The following NOP53 variants were observed in gnomAD, a reference collection of about 807,000 sequenced individuals.
The protein encoded by NOP53 is NOP53 ribosome biogenesis factor.
A neutral mutation model predicts 61.0 loss-of-function variants in NOP53; 40 were observed. The ratio of observed to expected loss-of-function variants is 0.66; its 90% CI spans 0.51 to 0.85. The LOEUF is 0.85. Among genes scored for constraint, NOP53 ranks in the 40% least tolerant of loss-of-function variants. The pLI, the probability that NOP53 is intolerant of heterozygous loss-of-function variation, is 0.00. For synonymous variants in NOP53, 308 were observed against 289.5 expected, an observed-to-expected ratio of 1.06 and a Z score of -0.65; for missense variants, 689 against 652.9, an observed-to-expected ratio of 1.06 and a Z score of -0.60.
chr19:47,754,689 A>G lies in NOP53; in HGVS notation c.871-20A>G, dbSNP rs1308573706. On this transcript the variant is annotated intron_variant, in intron 7 of 12. Transcript: ENST00000246802. The surrounding 1 kb of genome is among the most constrained non-coding windows in gnomAD (Gnocchi z 4.2). The stretch of plus-strand genomic sequence containing the variant: ...CCCGGGCCTCCTACCCACCCCTGAC[A>G]CTGCACCCCGCCTCCCCAGGAGTCC... 4 of 1,534,736 alleles carry G rather than the reference A, an allele frequency of 2.6e-6. No homozygotes were observed. In the South Asian group the frequency reaches 3.6e-5, roughly 14 times the overall value.
intron 2 of NOP53, 140 bp from the exon 3 acceptor site, chr19:47,750,038 G>C: frequency 7.0e-6 from 4 of 573,354 alleles, no homozygotes; most frequent in Non-Finnish European, 1.3e-5. Context: ...TCTACCTCCA[G>C]GTAGGAGCCT....
Position 47,750,796 on chromosome 19 carries a change from A to T in NOP53, c.399-112A>T, listed in dbSNP as rs989601046. ...GGGGGCGGAGTGCCACCTTTTGGAG[A>T]GGGGGTGCTGAAGCTGCCTTAATGG... On this transcript the variant is annotated intron_variant, in intron 3 of 12. Coordinates refer to ENST00000246802, the MANE Select transcript of NOP53 (RefSeq NM_015710.5). 2.5e-5 allele frequency: 21 copies of T among 827,000 alleles called. No homozygotes were observed. In the African/African-American group the frequency reaches 3.1e-4, roughly 12 times the overall value. The allele number at this position is 827,000 out of a possible 1,614,324, so 51.2% of individuals were successfully genotyped here.
At chr19:47,751,947 C>T (rs1568599251) in intron 5 of NOP53, among the ~76,000 whole-genome samples, 1 of 150,602 alleles carries the variant, frequency 6.6e-6, no homozygotes. Flanking sequence ...ACTAAAAATA[C>T]AAAAAAAAAA....
In NOP53 at chr19:47,755,624, A is replaced by G. The variant is rs1337688923; in HGVS notation, c.1229+101A>G. ...TGTTCAGGAACTGCCCACCCCCCCC[A>G]TCGGGAGACCACCTCTTCCCCCACA... On this transcript the variant is annotated intron_variant, in intron 9 of 12. Transcript: ENST00000246802. 19 of 1,237,378 alleles carry G rather than the reference A, an allele frequency of 1.5e-5. No individual in the cohort carries two copies. In the South Asian group the frequency reaches 2.6e-4, roughly 17 times the overall value. The allele number at this position is 1,237,378 out of a possible 1,614,324, so 76.6% of individuals were successfully genotyped here.
At position 47,747,129 on chromosome 19, in the gene NOP53, C is replaced by CAAAT. The variant is rs1967074691; in HGVS notation, c.289+100_289+103dup. 7.5e-6 allele frequency: 7 copies of CAAAT among 938,352 alleles called. No individual in the cohort carries two copies. The Admixed American group carries it at 1.2e-4, about 16-fold the overall frequency. 58.1% of individuals were successfully genotyped at this position (938,352 alleles called of 1,614,324 possible). On this transcript the variant is annotated intron_variant, in intron 2 of 12. Coordinates refer to ENST00000246802, the MANE Select transcript of NOP53 (RefSeq NM_015710.5). ...TGTGTTAATGATGTGGCTTGGAAGG[C>CAAAT]AAATATCTGCGGAAACAGGTCAACC...
At chr19:47,750,866 G>A (rs1441081142) in intron 3 of NOP53, 42 bp from the exon 4 acceptor site, 2 of 1,521,796 alleles carry the variant, frequency 1.3e-6, no homozygotes, top group East Asian at 4.8e-5. Flanking sequence ...CGTTCAGGCT[G>A]CCACCTCACC....
Position 47,754,255 on chromosome 19 carries a change from C to T in NOP53, c.766-272C>T, listed in dbSNP as rs999969949. On this transcript the variant is annotated intron_variant, in intron 6 of 12. Transcript: ENST00000246802. This position sits in a 1 kb window ranked among gnomAD's most constrained non-coding sequence, Gnocchi z 4.2. ...TCACACCATTGCACTCCAGTCTGGG[C>T]AACAAGACAGAAACTCTATCTCAAA... 12 of 443,170 alleles carry T rather than the reference C, an allele frequency of 2.7e-5. No homozygotes were observed. In the Admixed American group the frequency reaches 3.5e-4, roughly 13 times the overall value. 27.5% of individuals were successfully genotyped at this position (443,170 alleles called of 1,614,324 possible).
chr19:47,751,301 T>C, intron 4 of NOP53, 194 bp downstream of exon 4: 1 of 655,160 alleles, frequency 1.5e-6, no homozygotes. Flanking sequence ...GTTGTGAGGC[T>C]TCAGGAAAGG....
intron 5 of NOP53, among the ~76,000 whole-genome samples, chr19:47,752,049 G>A (rs2123675102): frequency 6.6e-6 from 1 of 152,200 alleles, no homozygotes; most frequent in African/African-American, 2.4e-5. Context: ...GGAGGTGGCA[G>A]TGAGCCGAGA....
intron 1 of NOP53, 77 bp downstream of exon 1, chr19:47,745,860 CG>C (rs1967055898): frequency 9.2e-6 from 2 of 217,350 alleles, no homozygotes; most frequent in African/African-American, 7.5e-5. Flanking sequence ...TGCGTGGACT[CG>C]TCGGGGGTCG....
intron 5 of NOP53, 73 bp from the exon 6 acceptor site, chr19:47,752,439 C>T: frequency 1.1e-6 from 1 of 919,494 alleles, no homozygotes; most frequent in South Asian, 1.4e-5. Context: ...GGAGCATCTG[C>T]CCCATGGCTG....
intron 3 of NOP53, among the ~76,000 whole-genome samples, chr19:47,750,545 T>A (rs1967111736): frequency 6.6e-6 from 1 of 151,768 alleles, no homozygotes; most frequent in Admixed American, 6.6e-5. Context: ...AGGAGGCACA[T>A]CAGGTGGGTC....
rs550207610 is a variant in NOP53, at chr19:47,746,661, C to T, written c.225-306C>T. ...AGATTACAGGTGTGAGCCACCACAC[C>T]CAGCCTAATTTTTGTATTTTTAGTA... On this transcript the variant is annotated intron_variant, in intron 1 of 12. Transcript: ENST00000246802. 2.0e-5 allele frequency: 5 copies of T among 248,484 alleles called. No individual in the cohort carries two copies. The East Asian group carries it at 3.3e-4, about 16-fold the overall frequency. 15.4% of individuals were successfully genotyped at this position (248,484 alleles called of 1,614,324 possible). A position where few individuals can be genotyped will look rare whatever the true frequency, so the allele number is the denominator to read the frequency against.
At chr19:47,747,641 C>G (rs923222952) in intron 2 of NOP53, among the ~76,000 whole-genome samples, 3 of 150,704 alleles carry the variant, frequency 2.0e-5, no homozygotes, top group Non-Finnish European at 1.5e-5. Flanking sequence ...TTTTTTGAGA[C>G]AGTGTTGCGC....
At chr19:47,747,146 A>G in intron 2 of NOP53, 115 bp downstream of exon 2, 1 of 804,594 alleles carries the variant, frequency 1.2e-6, no homozygotes, top group Non-Finnish European at 2.0e-6. Context: ...CTGCGGAAAC[A>G]GGTCAACCTT....
rs779344338 is a variant in NOP53 at position 47,756,600 on chromosome 19, G to A, written c.1369G>A (p.Ala457Thr). The A allele has an allele frequency of 7.4e-5, 120 of 1,613,904 alleles. No homozygotes were observed. In the East Asian group the frequency reaches 2.6e-3, roughly 34 times the overall value. ...GAATATGATCGAGCCTCGAGAGAGA[G>A]CCAAGTAAGGGGCGGCCGGGGCTGC... The part of the protein sequence containing the change: ...RRNMIEPRER[A>T]KFKRKYKVKL... The change falls in exon 11 of 13, where the codon GCC becomes ACC. Residue 457 changes from alanine (A) to threonine (T), a missense_variant. Ala to Thr is a moderately conservative substitution (Grantham distance 58, BLOSUM62 0). Coordinates refer to ENST00000246802, the MANE Select transcript of NOP53 (RefSeq NM_015710.5).
intron 5 of NOP53, among the ~76,000 whole-genome samples, chr19:47,752,262 G>C (rs1346034998): frequency 1.3e-5 from 2 of 152,176 alleles, no homozygotes; most frequent in African/African-American, 2.4e-5. Flanking sequence ...CCTCCTTCTT[G>C]AGCTGCTGGA....
intron 1 of NOP53, chr19:47,746,075 C>G: frequency 2.2e-6 from 1 of 449,974 alleles, no homozygotes; most frequent in Non-Finnish European, 4.0e-6. Flanking sequence ...CATGCATCCA[C>G]CTTAGCTTGC....
chr19:47,747,245 C>A (rs1019009602), intron 2 of NOP53, among the ~76,000 whole-genome samples: 1 of 152,118 alleles, frequency 6.6e-6, no homozygotes, highest in African/African-American at 2.4e-5. Context: ...TGTCAGTGAT[C>A]TCCATGCACA....
Sources: allele counts gnomAD v4.1 joint callset (sites outside exome capture counted in the v4.1 genomes callset), GRCh38; gene constraint gnomAD v4.1.1; non-coding constraint Gnocchi (gnomAD v3.1); transcripts MANE v1.5; gene names NCBI Gene and HGNC (gene_info 2026-07-23, HGNC 2026-07-21).